AGBL4: variants seen among roughly 807,000 people sequenced by gnomAD.
AGBL4 encodes the protein AGBL carboxypeptidase 4.
Under a neutral mutation model 66.4 loss-of-function variants are expected in AGBL4, and 58 were observed. That is an observed-to-expected ratio of 0.87 (90% CI 0.71 to 1.09). The LOEUF is 1.09. Ranked by LOEUF, AGBL4 falls within the 50% of genes least tolerant of loss-of-function variation. The pLI is 0.00. For synonymous variants in AGBL4, 234 were observed against 222.9 expected, an observed-to-expected ratio of 1.05 and a Z score of -0.44; for missense variants, 579 against 631.0, an observed-to-expected ratio of 0.92 and a Z score of 0.88.
chr1:49,702,106 A>C (rs1647105785), intron 2 of AGBL4, among the ~76,000 whole-genome samples: 1 of 152,210 alleles, frequency 6.6e-6, no homozygotes, highest in African/African-American at 2.4e-5. Flanking sequence ...AGTAGTATTA[A>C]ATTAATAATC....
intron 11 of AGBL4, among the ~76,000 whole-genome samples, chr1:48,570,756 G>A (rs1330069484): frequency 1.3e-5 from 2 of 152,090 alleles, no homozygotes; most frequent in Admixed American, 6.5e-5. Flanking sequence ...ACATCCACTC[G>A]CACATACTAT....
chr1:48,668,205 G>A (rs1039251312), intron 6 of AGBL4, among the ~76,000 whole-genome samples: 1 of 152,168 alleles, frequency 6.6e-6, no homozygotes, highest in African/African-American at 2.4e-5. Context: ...AGACATCGCT[G>A]TAGCAACAGC....
chr1:48,692,777 C>G (rs548438110), intron 6 of AGBL4, among the ~76,000 whole-genome samples: 2 of 152,276 alleles, frequency 1.3e-5, no homozygotes, highest in African/African-American at 4.8e-5. Flanking sequence ...TTGGCTTTCT[C>G]TCTCCCTCCA....
chr1:49,360,177 T>C (rs186286756), intron 3 of AGBL4, among the ~76,000 whole-genome samples: 83 of 152,302 alleles, frequency 5.4e-4, no homozygotes, highest in Non-Finnish European at 9.3e-4. Context: ...ATAAAGATCC[T>C]AGCAGAGTGG....
chr1:48,606,453 A>T (rs1645155223), intron 9 of AGBL4, among the ~76,000 whole-genome samples: 1 of 152,206 alleles, frequency 6.6e-6, no homozygotes, highest in African/African-American at 2.4e-5. Context: ...TGGTGATAAT[A>T]AAGTCTCGGT....
intron 3 of AGBL4, among the ~76,000 whole-genome samples, chr1:49,629,971 T>C (rs1185288902): frequency 6.6e-6 from 1 of 152,194 alleles, no homozygotes; most frequent in African/African-American, 2.4e-5. Context: ...GGTTTGTCGA[T>C]AGGGACATTG....
At chr1:49,761,571 A>G (rs1652318948) in intron 2 of AGBL4, among the ~76,000 whole-genome samples, 1 of 152,142 alleles carries the variant, frequency 6.6e-6, no homozygotes, top group South Asian at 2.1e-4. Context: ...CCTTTCTTAA[A>G]TTGACACATT....
Position 49,794,221 on chromosome 1 carries a change from C to T in AGBL4, c.157+57175G>A, listed in dbSNP as rs11205647. ...TCACCACTAAAATAAAAAATATTGT[C>T]ATTTTTTTTGCCGATACATAGAAAA... On this transcript the variant is annotated intron_variant, in intron 2 of 13. Coordinates refer to ENST00000371839, the MANE Select transcript of AGBL4 (RefSeq NM_032785.4). 2.6e-3 allele frequency among the ~76,000 whole-genome samples: 395 copies of T among 151,944 alleles called. 5 individuals carry two copies. Among genetic ancestry groups the T allele is most frequent in the African/African-American group, 8.9e-3 (371 of 41,526 alleles).
intron 3 of AGBL4, among the ~76,000 whole-genome samples, chr1:49,362,745 A>G (rs1479170502): frequency 1.3e-5 from 2 of 152,170 alleles, no homozygotes; most frequent in African/African-American, 4.8e-5. Flanking sequence ...GCACCAGGTC[A>G]ATCTCCATTT....
At chr1:48,625,209 T>C (rs1429854868) in intron 9 of AGBL4, among the ~76,000 whole-genome samples, 2 of 151,828 alleles carry the variant, frequency 1.3e-5, no homozygotes, top group African/African-American at 2.4e-5. Flanking sequence ...TTTTTCTTGT[T>C]GTTTAGAGAT....
chr1:49,521,261 CT>C (rs1356387043), intron 3 of AGBL4, among the ~76,000 whole-genome samples: 1 of 152,062 alleles, frequency 6.6e-6, no homozygotes, highest in Non-Finnish European at 1.5e-5. Context: ...AAAAAGACTA[CT>C]CTAAAATTCA....
At chr1:48,800,799 C>T (rs535276716) in intron 6 of AGBL4, among the ~76,000 whole-genome samples, 92 of 152,214 alleles carry the variant, frequency 6.0e-4, no homozygotes, top group Middle Eastern at 3.4e-3. Flanking sequence ...AGAAGGGGGA[C>T]GTAAGCTTGC....
intron 3 of AGBL4, among the ~76,000 whole-genome samples, chr1:49,360,214 G>A (rs906862632): frequency 2.0e-5 from 3 of 152,134 alleles, no homozygotes; most frequent in Non-Finnish European, 4.4e-5. Flanking sequence ...TGAAGTCAGA[G>A]AGCCCTATTT....
At chr1:49,952,511 A>G (rs551623537) in intron 1 of AGBL4, among the ~76,000 whole-genome samples, 2 of 152,094 alleles carry the variant, frequency 1.3e-5, no homozygotes, top group Admixed American at 1.3e-4. Flanking sequence ...CTTTAACATT[A>G]TCTCTGTGAT....
chr1:49,858,923 C>T (rs148065630), intron 1 of AGBL4, among the ~76,000 whole-genome samples: 3 of 151,412 alleles, frequency 2.0e-5, no homozygotes, highest in Non-Finnish European at 2.9e-5. Context: ...GGATGAAGCA[C>T]AAGAATCACT....
rs531314858 is a variant in AGBL4 at position 48,876,619 on chromosome 1, A to G, written c.595-9389T>C. Among the ~76,000 whole-genome samples the G allele has an allele frequency of 5.9e-5, 9 of 152,180 alleles. No individual in the cohort carries two copies. In the East Asian group the frequency reaches 1.7e-3, roughly 30 times the overall value. ...AGCATCTAGGCAGTGATTACCTAAC[A>G]TGTCTCATGTTACAGTTAGGTGCTT... On this transcript the variant is annotated intron_variant, in intron 5 of 13. Coordinates refer to ENST00000371839, the MANE Select transcript of AGBL4 (RefSeq NM_032785.4).
chr1:49,845,325 CTA>C, intron 2 of AGBL4: 1 of 1,505,120 alleles, frequency 6.6e-7, no homozygotes. Flanking sequence ...GCGAGAAACC[CTA>C]TGAGTGCAGT....
At chr1:48,943,965 A>C (rs887866684) in intron 5 of AGBL4, among the ~76,000 whole-genome samples, 7 of 152,218 alleles carry the variant, frequency 4.6e-5, no homozygotes, top group African/African-American at 1.7e-4. Flanking sequence ...TGCCAGGGCT[A>C]GACGGGTTAG....
chr1:48,917,116 T>C (rs780164325), intron 5 of AGBL4, among the ~76,000 whole-genome samples: 3 of 152,110 alleles, frequency 2.0e-5, no homozygotes, highest in Non-Finnish European at 4.4e-5. Flanking sequence ...TTCTAGTAGT[T>C]TGGGAAAACG....
Sources: gnomAD v4.1 joint callset for allele counts (sites outside exome capture counted in the v4.1 genomes callset) on GRCh38, gnomAD v4.1.1 for gene constraint, MANE v1.5 for transcripts, NCBI Gene and HGNC (gene_info 2026-07-23, HGNC 2026-07-21) for gene names.